GMFB: variants seen among roughly 807,000 people sequenced by gnomAD.
The protein encoded by GMFB is GMF-beta.
Under a neutral mutation model 25.6 loss-of-function variants are expected in GMFB, and 13 were observed. The ratio of observed to expected loss-of-function variants is 0.51; its 90% CI spans 0.33 to 0.81. The LOEUF (loss-of-function observed/expected upper bound fraction) is 0.81, where lower values mean the gene tolerates loss of function less well. GMFB is among the 30% of genes least tolerant of loss of function. GMFB has a pLI of 0.02. For synonymous variants in GMFB, 57 were observed against 56.9 expected (o/e 1.00, Z 0.00); for missense variants, 146 against 175.4 (o/e 0.83, Z 0.95).
intron 5 of GMFB, 140 bp downstream of exon 5, chr14:54,480,734 G>A: frequency 1.8e-6 from 1 of 568,094 alleles, no homozygotes; most frequent in Non-Finnish European, 3.1e-6. Context: ...ACAGGCACAT[G>A]GACACACATA....
intron 1 of GMFB, among the ~76,000 whole-genome samples, chr14:54,484,671 A>G (rs1413983355): frequency 6.6e-6 from 1 of 152,202 alleles, no homozygotes; most frequent in African/African-American, 2.4e-5. Context: ...CATACCTCCA[A>G]GCTCATTCTA....
At chr14:54,481,213 T>C (rs978685806) in intron 4 of GMFB, 196 bp downstream of exon 4, 2 of 580,766 alleles carry the variant, frequency 3.4e-6, no homozygotes, top group East Asian at 2.8e-5. Flanking sequence ...ATAAAGGAAA[T>C]AGTTTTAAAA....
rs557859900 is a variant in GMFB, at chr14:54,482,122, T to C, written c.150+31A>G. ...TTTTGAGAAATAATAATTACTTAAC[T>C]ATAAAATTGTATTTAGTTCATTGAA... On this transcript the variant is annotated intron_variant, in intron 3 of 6. Coordinates refer to ENST00000358056, the MANE Select transcript of GMFB (RefSeq NM_004124.3). 3.7e-6 allele frequency: 5 copies of C among 1,365,436 alleles called. No homozygotes were observed. The African/African-American group carries it at 4.3e-5, about 12-fold the overall frequency. The allele number at this position is 1,365,436 out of a possible 1,614,324, so 84.6% of individuals were successfully genotyped here. A position where few individuals can be genotyped will look rare whatever the true frequency, so the allele number is the denominator to read the frequency against.
Position 54,478,045 on chromosome 14 carries a change from G to T in GMFB, c.*43C>A. On this transcript the variant is annotated 3_prime_UTR_variant, in exon 7 of 7. Coordinates refer to ENST00000358056, the MANE Select transcript of GMFB (RefSeq NM_004124.3). ...AGTATTTATGTCTGATTCCAGTATG[G>T]TCAGGTTAATACATAAATACTTTAG... 3.7e-6 allele frequency: 3 copies of T among 800,622 alleles called. No individual in the cohort carries two copies. Among genetic ancestry groups the T allele is most frequent in the South Asian group, 1.8e-5 (1 of 54,748 alleles). The allele number at this position is 800,622 out of a possible 1,614,324, so 49.6% of individuals were successfully genotyped here.
chr14:54,483,350 T>A (rs2031738639), intron 2 of GMFB: 1 of 228,592 alleles, frequency 4.4e-6, no homozygotes, highest in Admixed American at 5.1e-5. Context: ...GGCCAGGCTA[T>A]TTTTAGTCCC....
At chr14:54,483,004 A>G (rs1594634166) in intron 2 of GMFB, 1 of 152,138 alleles carries the variant, frequency 6.6e-6, no homozygotes, top group African/African-American at 2.4e-5. Context: ...ATTAAATCAC[A>G]TCTGCCAGAT....
chr14:54,483,672 T>C lies in GMFB; in HGVS notation c.99A>G (p.Ile33Met). 9 of 1,522,248 alleles carry C rather than the reference T, an allele frequency of 5.9e-6. No individual in the cohort carries two copies. Among genetic ancestry groups the C allele is most frequent in the East Asian group, 2.2e-5 (1 of 44,466 alleles). The allele number at this position is 1,522,248 out of a possible 1,614,324, so 94.3% of individuals were successfully genotyped here. A position where few individuals can be genotyped will look rare whatever the true frequency, so the allele number is the denominator to read the frequency against. ...FRKETNNAAI[I>M]MKIDKDKRLV... ...TTGAGGCAATCACTTTTAGCTTACT[T>C]ATAATAGCAGCGTTGTTCGTTTCTT... The change falls in exon 2 of 7, where the codon ATA becomes ATG. Residue 33 changes from isoleucine (I) to methionine (M), a missense_variant and splice_region_variant. Physicochemically the swap from Ile to Met is conservative, Grantham distance 10. Transcript: ENST00000358056.
At position 54,476,453 on chromosome 14, in the gene GMFB, T is replaced by C. The variant is rs2031641611; in HGVS notation, c.*1635A>G. On this transcript the variant is annotated 3_prime_UTR_variant, in exon 7 of 7. Coordinates refer to ENST00000358056, the MANE Select transcript of GMFB (RefSeq NM_004124.3). The stretch of plus-strand genomic sequence containing the variant: ...TGCATGTTATTCTCCAATATCAAAA[T>C]ACCTGTTTAAAGAATTTTTAAACTT... 1 of 152,046 alleles carries C rather than the reference T, an allele frequency of 6.6e-6. No individual in the cohort carries two copies. Among genetic ancestry groups the C allele is most frequent in the African/African-American group, 2.4e-5 (1 of 41,440 alleles). The allele number at this position is 152,046 out of a possible 1,614,324, so 9.4% of individuals were successfully genotyped here. A position where few individuals can be genotyped will look rare whatever the true frequency, so the allele number is the denominator to read the frequency against.
intron 2 of GMFB, among the ~76,000 whole-genome samples, chr14:54,482,929 AT>A (rs2140033992): frequency 6.6e-6 from 1 of 152,114 alleles, no homozygotes; most frequent in South Asian, 2.1e-4. Context: ...TAAGAACCAT[AT>A]GTCGACATTG....
chr14:54,488,792 C>T, intron 1 of GMFB, 133 bp downstream of exon 1: 1 of 645,634 alleles, frequency 1.5e-6, no homozygotes, highest in Non-Finnish European at 2.5e-6. Flanking sequence ...GGGCACTGGC[C>T]AGCTGCTGGG....
intron 4 of GMFB, 124 bp downstream of exon 4, chr14:54,481,285 A>T (rs1391299062): frequency 4.3e-6 from 3 of 705,874 alleles, no homozygotes; most frequent in Non-Finnish European, 7.6e-6. Context: ...GTATATGCAC[A>T]CATATTTTAA....
intron 5 of GMFB, chr14:54,480,091 G>A: frequency 2.5e-6 from 1 of 396,238 alleles, no homozygotes; most frequent in South Asian, 3.9e-5. Flanking sequence ...AAAGATTCTA[G>A]ACATTTGTAG....
In GMFB at chr14:54,480,966, A is replaced by C; in HGVS notation, c.201-10T>G. On this transcript the variant is annotated splice_polypyrimidine_tract_variant and intron_variant, in intron 4 of 6. Transcript: ENST00000358056. ...ACTATACACAATGAAGGTTTTTCTC[A>C]AGTTAAAGAAACTAAAGTTACTGCT... is the stretch of plus-strand genomic sequence containing the variant. 71 of 1,332,448 alleles carry C rather than the reference A, an allele frequency of 5.3e-5. No homozygotes were observed. The highest frequency in any genetic ancestry group is 7.2e-5 in the Non-Finnish European group (68 of 942,788). The allele number at this position is 1,332,448 out of a possible 1,614,324, so 82.5% of individuals were successfully genotyped here. A position where few individuals can be genotyped will look rare whatever the true frequency, so the allele number is the denominator to read the frequency against.
chr14:54,483,513 A>C, intron 2 of GMFB, 158 bp downstream of exon 2: 1 of 602,758 alleles, frequency 1.7e-6, no homozygotes. Flanking sequence ...CATTAGAATT[A>C]GCTGTTACTT....
intron 2 of GMFB, among the ~76,000 whole-genome samples, chr14:54,482,925 C>T (rs535731064): frequency 6.6e-6 from 1 of 151,918 alleles, no homozygotes; most frequent in African/African-American, 2.4e-5. Flanking sequence ...CTTTTAAGAA[C>T]CATATGTCGA....
intron 1 of GMFB, among the ~76,000 whole-genome samples, chr14:54,484,956 A>G (rs1221115663): frequency 2.0e-5 from 3 of 152,190 alleles, no homozygotes; most frequent in Non-Finnish European, 4.4e-5. Context: ...CTGAAAAAAC[A>G]TTTGATAAAA....
intron 1 of GMFB, among the ~76,000 whole-genome samples, chr14:54,486,483 A>G (rs1207798733): frequency 6.6e-6 from 1 of 152,200 alleles, no homozygotes; most frequent in Non-Finnish European, 1.5e-5. Context: ...CAAGCTAAAA[A>G]GCTTCTGAGA....
At position 54,477,962 on chromosome 14, in the gene GMFB, A is replaced by AT; in HGVS notation, c.*125dup. 2.0e-6 allele frequency: 1 copy of AT among 501,320 alleles called. No individual in the cohort carries two copies. Among genetic ancestry groups the AT allele is most frequent in the Non-Finnish European group, 3.6e-6 (1 of 276,334 alleles). 31.1% of individuals were successfully genotyped at this position (501,320 alleles called of 1,614,324 possible). On this transcript the variant is annotated 3_prime_UTR_variant, in exon 7 of 7. Transcript: ENST00000358056. ...TGTTCAAATTTTGCACAAATGAAGA[A>AT]TTTTTCTTTACTGCAGGAAACAAAC...
chr14:54,485,823 T>C (rs1209670516), intron 1 of GMFB, among the ~76,000 whole-genome samples: 1 of 151,636 alleles, frequency 6.6e-6, no homozygotes, highest in Admixed American at 6.6e-5. Flanking sequence ...TGAAACAGAA[T>C]AGAGAACCCA....
Sources: allele counts gnomAD v4.1 joint callset (sites outside exome capture counted in the v4.1 genomes callset), GRCh38; gene constraint gnomAD v4.1.1; transcripts MANE v1.5; gene names NCBI Gene and HGNC (gene_info 2026-07-23, HGNC 2026-07-21).